Variants in ZNF365 observed in about 807,000 individuals in gnomAD.
ZNF365 encodes the protein zinc finger protein 365.
Under a neutral mutation model 35.0 loss-of-function variants are expected in ZNF365, and 22 were observed. The observed-to-expected ratio is 0.63, with a 90% CI of 0.45 to 0.90. The LOEUF is 0.90. Ranked by LOEUF, ZNF365 falls within the 40% of genes least tolerant of loss-of-function variation. The pLI is 0.00. For synonymous variants in ZNF365, 188 were observed against 196.2 expected (o/e 0.96, Z 0.35); for missense variants, 448 against 500.3 (o/e 0.90, Z 1.00).
chr10:62,463,301 A>C (rs1322836693), intron 4 of ZNF365, among the ~76,000 whole-genome samples: 2 of 152,198 alleles, frequency 1.3e-5, no homozygotes, highest in Admixed American at 1.3e-4. Context: ...GTCAAAGCCA[A>C]AAGATTATAC....
rs550131684 is a variant in ZNF365 at position 62,401,921 on chromosome 10, T to G, written c.*2132T>G. The G allele has an allele frequency of 4.1e-6, 4 of 985,288 alleles. No homozygotes were observed. Among genetic ancestry groups the G allele is most frequent in the Admixed American group, 6.1e-5 (1 of 16,272 alleles). The allele number at this position is 985,288 out of a possible 1,614,324, so 61.0% of individuals were successfully genotyped here. On this transcript the variant is annotated 3_prime_UTR_variant, in exon 5 of 5. Transcript: ENST00000395254. ...GAGATTTGTTTATTATATTAAAATG[T>G]TTTTTTACGTTCCCACTAAATTTTG...
chr10:62,388,079 T>A (rs1839553463), intron 2 of ZNF365, among the ~76,000 whole-genome samples: 1 of 152,226 alleles, frequency 6.6e-6, no homozygotes, highest in African/African-American at 2.4e-5. Flanking sequence ...AAAGGTCGTT[T>A]CTAACTTTGC....
intron 4 of ZNF365, among the ~76,000 whole-genome samples, chr10:62,471,452 A>C (rs929791754): frequency 3.9e-5 from 6 of 152,110 alleles, no homozygotes; most frequent in Non-Finnish European, 8.8e-5. Flanking sequence ...GAAACGGATC[A>C]ATCTATTGAA....
At chr10:62,470,053 A>G (rs1401294098) in intron 4 of ZNF365, among the ~76,000 whole-genome samples, 4 of 152,222 alleles carry the variant, frequency 2.6e-5, no homozygotes, top group African/African-American at 7.2e-5. Context: ...TTCTAGTAGT[A>G]TAAATAACAA....
chr10:62,417,367 T>C (rs1840091625), intron 3 of ZNF365, among the ~76,000 whole-genome samples: 1 of 152,052 alleles, frequency 6.6e-6, no homozygotes, highest in African/African-American at 2.4e-5. Context: ...TAATAGTCTT[T>C]CATAAACAGA....
chr10:62,472,996 T>A (rs1219489000), intron 4 of ZNF365, among the ~76,000 whole-genome samples: 3 of 152,136 alleles, frequency 2.0e-5, no homozygotes, highest in Non-Finnish European at 4.4e-5. Context: ...GTGACCTGTA[T>A]CTTATATTCT....
intron 3 of ZNF365, among the ~76,000 whole-genome samples, chr10:62,447,992 T>C (rs1241446003): frequency 1.3e-5 from 2 of 152,212 alleles, no homozygotes; most frequent in East Asian, 1.9e-4. Flanking sequence ...AAGAACTGTA[T>C]CGTGAACACC....
intron 3 of ZNF365, among the ~76,000 whole-genome samples, chr10:62,433,220 G>C (rs897401971): frequency 7.9e-5 from 12 of 152,304 alleles, no homozygotes; most frequent in African/African-American, 2.6e-4. Context: ...TTACTAAACA[G>C]TTTAATGAGT....
intron 3 of ZNF365, among the ~76,000 whole-genome samples, chr10:62,410,198 TTAAC>T (rs374355618): frequency 9.8e-4 from 149 of 152,290 alleles, no homozygotes; most frequent in African/African-American, 3.4e-3. Context: ...AAAATCCTGA[TTAAC>T]TAAGCCTTGT....
chr10:62,458,011 G>T (rs1380752515), intron 3 of ZNF365, among the ~76,000 whole-genome samples: 1 of 152,222 alleles, frequency 6.6e-6, no homozygotes, highest in South Asian at 2.1e-4. Context: ...TTTCTTAATA[G>T]ATCAGATCTT....
chr10:62,401,769 T>A lies in ZNF365; in HGVS notation c.*1980T>A. On this transcript the variant is annotated 3_prime_UTR_variant, in exon 5 of 5. Coordinates refer to ENST00000395254, the MANE Select transcript of ZNF365 (RefSeq NM_014951.3). ...CAACTTGTTTCTGTTTTATTTAAAGTAACTGACATTTTGGATTTTCATCTA... is the reference window on the plus strand; with the variant it reads ...CAACTTGTTTCTGTTTTATTTAAAGAAACTGACATTTTGGATTTTCATCTA... 1.0e-6 allele frequency: 1 copy of A among 985,560 alleles called. No individual in the cohort carries two copies. Among genetic ancestry groups the A allele is most frequent in the Non-Finnish European group, 1.2e-6 (1 of 829,918 alleles). 61.1% of individuals were successfully genotyped at this position (985,560 alleles called of 1,614,324 possible).
chr10:62,431,076 C>T (rs568154458), intron 3 of ZNF365, among the ~76,000 whole-genome samples: 1 of 152,200 alleles, frequency 6.6e-6, no homozygotes, highest in Non-Finnish European at 1.5e-5. Flanking sequence ...AAGTCAAATG[C>T]TTCACCATCT....
intron 4 of ZNF365, among the ~76,000 whole-genome samples, chr10:62,474,487 G>A (rs994778974): frequency 6.6e-6 from 1 of 152,142 alleles, no homozygotes; most frequent in Non-Finnish European, 1.5e-5. Flanking sequence ...GTGTGTGTTT[G>A]AAAGAATGAG....
intron 3 of ZNF365, among the ~76,000 whole-genome samples, chr10:62,453,854 T>C (rs1267272158): frequency 6.6e-6 from 1 of 152,230 alleles, no homozygotes; most frequent in Non-Finnish European, 1.5e-5. Flanking sequence ...ATTTGGGATA[T>C]GATTTAAGTA....
chr10:62,412,523 A>G (rs1286620539), intron 3 of ZNF365, among the ~76,000 whole-genome samples: 1 of 152,022 alleles, frequency 6.6e-6, no homozygotes, highest in Non-Finnish European at 1.5e-5. Flanking sequence ...GACATGATCT[A>G]GAAAATCCCA....
intron 3 of ZNF365, among the ~76,000 whole-genome samples, chr10:62,393,049 T>C (rs56306816): frequency 0.052 from 7,548 of 145,828 alleles, 272 homozygotes; most frequent in South Asian, 0.12. Flanking sequence ...TTTTTTTTTT[T>C]GGTTAAAATC....
At chr10:62,384,746 C>G (rs1839497758) in intron 2 of ZNF365, among the ~76,000 whole-genome samples, 2 of 152,212 alleles carry the variant, frequency 1.3e-5, no homozygotes, top group Non-Finnish European at 2.9e-5. Context: ...CTTAAAGAGT[C>G]ATTGCAATGT....
intron 3 of ZNF365, among the ~76,000 whole-genome samples, chr10:62,425,874 A>T (rs1840243418): frequency 6.6e-6 from 1 of 152,156 alleles, no homozygotes; most frequent in Admixed American, 6.6e-5. Context: ...TCACACTTAG[A>T]CCCATACCTG....
chr10:62,406,287 G>T (rs1839903884), downstream of ZNF365, among the ~76,000 whole-genome samples: 1 of 152,052 alleles, frequency 6.6e-6, no homozygotes, highest in Non-Finnish European at 1.5e-5. Flanking sequence ...GTTAATTTCT[G>T]TTCAGCCTTC....
Sources: gnomAD v4.1 joint callset for allele counts (sites outside exome capture counted in the v4.1 genomes callset) on GRCh38, gnomAD v4.1.1 for gene constraint, MANE v1.5 for transcripts, NCBI Gene and HGNC (gene_info 2026-07-23, HGNC 2026-07-21) for gene names.